Variants in ATRX observed in about 807,000 individuals in gnomAD.
ATRX encodes ATRX chromatin remodeler.
ATRX carries 12 observed loss-of-function variants against 172.6 expected under a neutral mutation model. That is an observed-to-expected ratio of 0.07 (90% CI 0.04 to 0.11). The LOEUF (loss-of-function observed/expected upper bound fraction) is 0.11. Among genes scored for constraint, ATRX ranks in the 10% least tolerant of loss-of-function variants. ATRX has a pLI of 1.00. For missense variants in ATRX, 1,368 were observed against 1,767.4 expected (o/e 0.77, Z 4.05); for synonymous variants, 674 against 594.7 (o/e 1.13, Z -1.94).
intron 12 of ATRX, among the ~76,000 whole-genome samples, chrX:77,657,081 C>T (rs1557120237): frequency 9.0e-6 from 1 of 111,401 alleles, no homozygotes; most frequent in Non-Finnish European, 1.9e-5. Flanking sequence ...GAAAGGGAAA[C>T]AATAATAGGC....
chrX:77,605,224 C>T (rs2066858282), intron 22 of ATRX, among the ~76,000 whole-genome samples: 1 of 111,423 alleles, frequency 9.0e-6, no homozygotes. Flanking sequence ...GTCAGGAGTT[C>T]GAGAACAGCC....
chrX:77,644,106 A>C, intron 15 of ATRX, among the ~76,000 whole-genome samples: 1 of 111,821 alleles, frequency 8.9e-6, no homozygotes, highest in Non-Finnish European at 1.9e-5. Flanking sequence ...TGTCTGGCTA[A>C]ATTTTTTGTA....
At chrX:77,673,691 G>A (rs182950044) in intron 10 of ATRX, among the ~76,000 whole-genome samples, 1 of 110,879 alleles carries the variant, frequency 9.0e-6, no homozygotes, top group Non-Finnish European at 1.9e-5. Context: ...TTCAGGATAT[G>A]ACTAAGTTTT....
chrX:77,609,008 C>T (rs1396100139), intron 22 of ATRX, among the ~76,000 whole-genome samples: 1 of 112,038 alleles, frequency 8.9e-6, no homozygotes, highest in African/African-American at 3.2e-5. Context: ...CATCATTGGT[C>T]ATCTGAGAAA....
intron 1 of ATRX, among the ~76,000 whole-genome samples, chrX:77,751,298 T>G (rs952227073): frequency 1.8e-5 from 2 of 112,920 alleles, no homozygotes; most frequent in Non-Finnish European, 3.7e-5. Context: ...TGAGCTTTTT[T>G]TCACATTTGT....
intron 2 of ATRX, chrX:77,699,574 C>T (rs2148689784): frequency 8.9e-6 from 1 of 111,745 alleles, no homozygotes; most frequent in East Asian, 2.8e-4. Flanking sequence ...AGAAACAAGA[C>T]TCAAGTTACT....
intron 27 of ATRX, among the ~76,000 whole-genome samples, chrX:77,588,583 T>C (rs1011787321): frequency 1.8e-5 from 2 of 109,817 alleles, no homozygotes. Flanking sequence ...TCTGGGCAAA[T>C]AGAGGGAGAC....
At chrX:77,685,935 A>G (rs1323515807) in intron 7 of ATRX, among the ~76,000 whole-genome samples, 1 of 112,304 alleles carries the variant, frequency 8.9e-6, no homozygotes, top group Non-Finnish European at 1.9e-5. Context: ...GAAATAAGCC[A>G]GGCACAGAAA....
rs1557125260 is a variant in ATRX, at chrX:77,664,794, C to T, written c.3810-16G>A. On this transcript the variant is annotated splice_polypyrimidine_tract_variant and intron_variant, in intron 10 of 34. Transcript: ENST00000373344. ...CTTGGCAATTCTTGAGAGTAAAAAA[C>T]AATAAAAAAAGAACTATATATCTGG... 1 of 1,183,157 alleles carries T rather than the reference C, an allele frequency of 8.5e-7. No homozygotes were observed. The highest frequency in any genetic ancestry group is 1.1e-6 in the Non-Finnish European group (1 of 877,280).
chrX:77,648,989 T>C (rs943863459), intron 15 of ATRX, among the ~76,000 whole-genome samples: 6 of 110,430 alleles, frequency 5.4e-5, no homozygotes, highest in African/African-American at 2.0e-4. Context: ...GGTAGCATAA[T>C]GAGACCCAAT....
At position 77,618,944 on chromosome X, in the gene ATRX, A is replaced by C. The variant is rs1217500112; in HGVS notation, c.5310T>G (p.Leu1770=). The C allele has an allele frequency of 8.5e-7, 1 of 1,176,958 alleles. No homozygotes were observed. Among genetic ancestry groups the C allele is most frequent in the Non-Finnish European group, 1.2e-6 (1 of 865,936 alleles). ...CMVNFIKENL[L]GSIKEFRNRF... ...TATTCCTGAACTCCTTAATGGATCC[A>C]AGTAAATTTTCCTTGATAAAATTAA... Residue 1770 remains leucine (L), a synonymous_variant, in exon 21 of 35, where the codon CTT becomes CTG. Transcript: ENST00000373344.
intron 30 of ATRX, among the ~76,000 whole-genome samples, chrX:77,543,444 G>A (rs781940721): frequency 2.7e-5 from 3 of 111,792 alleles, no homozygotes; most frequent in Admixed American, 9.5e-5. Context: ...TTGACTCAGC[G>A]ATCCCATTAC....
intron 1 of ATRX, among the ~76,000 whole-genome samples, chrX:77,737,605 AATTGG>A (rs1273663715): frequency 9.0e-6 from 1 of 110,624 alleles, no homozygotes; most frequent in Non-Finnish European, 1.9e-5. Context: ...GAAAGAATAA[AATTGG>A]ATTGTTTTTC....
chrX:77,647,812 T>C (rs2068994319), intron 15 of ATRX, among the ~76,000 whole-genome samples: 1 of 110,935 alleles, frequency 9.0e-6, no homozygotes. Context: ...TACTGATAGA[T>C]AAAGATTAGT....
intron 30 of ATRX, among the ~76,000 whole-genome samples, chrX:77,548,918 A>G (rs1220045862): frequency 8.9e-6 from 1 of 112,244 alleles, no homozygotes; most frequent in Non-Finnish European, 1.9e-5. Flanking sequence ...TCTCCCTGTA[A>G]TCATCAAGTA....
intron 19 of ATRX, among the ~76,000 whole-genome samples, chrX:77,624,260 G>A (rs1368952244): frequency 9.0e-6 from 1 of 111,127 alleles, no homozygotes; most frequent in Non-Finnish European, 1.9e-5. Context: ...CCAGCTACTC[G>A]GGAGGCTGAG....
intron 28 of ATRX, among the ~76,000 whole-genome samples, chrX:77,568,128 A>G (rs1263313091): frequency 9.1e-6 from 1 of 110,342 alleles, no homozygotes; most frequent in Non-Finnish European, 1.9e-5. Flanking sequence ...CAAGAGCAAA[A>G]CAAACCAAAA....
chrX:77,785,830 C>G, intron 1 of ATRX, 152 bp downstream of exon 1: 1 of 813,096 alleles, frequency 1.2e-6, no homozygotes, highest in Non-Finnish European at 1.5e-6. Context: ...GCCGATACCC[C>G]GAAACCCTTC....
chrX:77,643,138 A>C (rs1227786290), intron 15 of ATRX, among the ~76,000 whole-genome samples: 2 of 111,609 alleles, frequency 1.8e-5, no homozygotes, highest in African/African-American at 6.5e-5. Context: ...GATGTTATTT[A>C]CAAATTATTG....
Sources: gnomAD v4.1 joint callset for allele counts (sites outside exome capture counted in the v4.1 genomes callset) on GRCh38, gnomAD v4.1.1 for gene constraint, MANE v1.5 for transcripts, NCBI Gene and HGNC (gene_info 2026-07-23, HGNC 2026-07-21) for gene names.